The following ARL14EP variants were observed in gnomAD, a reference collection of about 807,000 sequenced individuals.
ARL14EP encodes the protein ARL14 effector protein.
Under a neutral mutation model 23.1 loss-of-function variants are expected in ARL14EP, and 12 were observed. That is an observed-to-expected ratio of 0.52 (90% CI 0.33 to 0.84). The LOEUF (loss-of-function observed/expected upper bound fraction) is 0.84, where lower values mean the gene tolerates loss of function less well. Ranked by LOEUF, ARL14EP falls within the 40% of genes least tolerant of loss-of-function variation. The probability of loss-of-function intolerance (pLI) is 0.02; values close to 1 mark genes in which losing one functional copy is unlikely to be tolerated. For synonymous variants in ARL14EP, 97 were observed against 102.0 expected, an observed-to-expected ratio of 0.95 and a Z score of 0.29; for missense variants, 253 against 307.3, an observed-to-expected ratio of 0.82 and a Z score of 1.32.
intron 1 of ARL14EP, among the ~76,000 whole-genome samples, chr11:30,324,543 G>A (rs1448329016): frequency 6.6e-6 from 1 of 151,994 alleles, no homozygotes; most frequent in Admixed American, 6.5e-5. Context: ...TTGCTGTTTT[G>A]TTAGTGGTGG....
At chr11:30,335,677 AT>A (rs754780336) in intron 3 of ARL14EP, among the ~76,000 whole-genome samples, 1 of 152,004 alleles carries the variant, frequency 6.6e-6, no homozygotes, top group African/African-American at 2.4e-5. Context: ...AGGTACATAC[AT>A]TTTTTTCTTA....
intron 2 of ARL14EP, chr11:30,331,603 A>G (rs1947284353): frequency 1.5e-6 from 2 of 1,377,946 alleles, no homozygotes; most frequent in African/African-American, 2.9e-5. Flanking sequence ...TATGCCTAAG[A>G]CTCCAAGCTA....
At position 30,335,778 on chromosome 11, in the gene ARL14EP, G is replaced by A. The variant is rs75241460; in HGVS notation, c.555-789G>A. 4.7e-3 allele frequency among the ~76,000 whole-genome samples: 189 copies of A among 40,100 alleles called. 1 individual carries two copies. The South Asian group carries it at 0.059, about 13-fold the overall frequency. 26.3% of individuals were successfully genotyped at this position (40,100 alleles called of 152,430 possible). The stretch of plus-strand genomic sequence containing the variant: ...AGCAAAAAAATATATATATATATAT[G>A]TGTGTGTGTGTGTGTGTGTGTGACT... On this transcript the variant is annotated intron_variant, in intron 3 of 3. Coordinates refer to ENST00000282032, the MANE Select transcript of ARL14EP (RefSeq NM_152316.3).
chr11:30,326,408 C>T (rs1221824652), intron 1 of ARL14EP, among the ~76,000 whole-genome samples: 2 of 152,106 alleles, frequency 1.3e-5, no homozygotes, highest in Non-Finnish European at 2.9e-5. Flanking sequence ...GATAAATCAT[C>T]GTTATGGAAG....
At chr11:30,334,182 A>G (rs1378166410) in intron 3 of ARL14EP, among the ~76,000 whole-genome samples, 2 of 145,944 alleles carry the variant, frequency 1.4e-5, no homozygotes, top group East Asian at 2.3e-4. Flanking sequence ...ACACTACCCA[A>G]CAGATTTTCA....
chr11:30,333,156 T>G (rs1305716957), intron 3 of ARL14EP, among the ~76,000 whole-genome samples, 163 bp downstream of exon 3: 1 of 152,222 alleles, frequency 6.6e-6, no homozygotes, highest in African/African-American at 2.4e-5. Context: ...CATATAAAAT[T>G]AAGGTATCCC....
At chr11:30,335,660 T>A (rs1947324915) in intron 3 of ARL14EP, among the ~76,000 whole-genome samples, 1 of 152,200 alleles carries the variant, frequency 6.6e-6, no homozygotes, top group African/African-American at 2.4e-5. Context: ...AGAGCATTTT[T>A]AAATTAAGGT....
In ARL14EP at chr11:30,331,108, A is replaced by C. The variant is rs1449797715; in HGVS notation, c.160A>C (p.Asn54His). ...LRTGMTLSGN[N>H]TICFHHVKIY... ...AACTGGAATGACACTTTCTGGGAAC[A>C]ATACAATTTGCTTTCATCATGTAAA... is the stretch of plus-strand genomic sequence containing the variant. Residue 54 changes from asparagine (N) to histidine (H), a missense_variant, in exon 2 of 4, where the codon AAT (asparagine) becomes CAT (histidine). Asn to His is a moderately conservative substitution (Grantham distance 68). Transcript: ENST00000282032. 6.2e-7 allele frequency: 1 copy of C among 1,613,868 alleles called. No individual in the cohort carries two copies. The highest frequency in any genetic ancestry group is 1.3e-5 in the African/African-American group (1 of 74,930).
Position 30,336,691 on chromosome 11 carries a change from G to T in ARL14EP, c.679G>T (p.Gly227Cys), listed in dbSNP as rs1182292441. 6.2e-7 allele frequency: 1 copy of T among 1,614,124 alleles called. No individual in the cohort carries two copies. The highest frequency in any genetic ancestry group is 1.7e-5 in the Admixed American group (1 of 60,004). The change falls in exon 4 of 4, where the codon GGT (glycine) becomes TGT (cysteine). Residue 227 changes from glycine to cysteine, a missense_variant. Coordinates refer to ENST00000282032, the MANE Select transcript of ARL14EP (RefSeq NM_152316.3). ...ATGTTTCTATGCTTGTCCTGCCTGT[G>T]GTTCTACCAAGTGTGGAGCTGAATG... ...LGCFYACPAC[G>C]STKCGAECRC... is the part of the protein sequence containing the mutation.
intron 1 of ARL14EP, among the ~76,000 whole-genome samples, chr11:30,325,627 C>G (rs975084501): frequency 6.6e-6 from 1 of 151,840 alleles, no homozygotes; most frequent in African/African-American, 2.4e-5. Flanking sequence ...GATTTTTTTT[C>G]TTCCATGAAG....
intron 1 of ARL14EP, chr11:30,328,011 C>T (rs1248021953): frequency 6.6e-6 from 1 of 151,950 alleles, no homozygotes; most frequent in African/African-American, 2.4e-5. Context: ...AGGTCAAAGC[C>T]AGATTGTGTC....
At chr11:30,329,102 A>G (rs962178826) in intron 1 of ARL14EP, 5 of 152,168 alleles carry the variant, frequency 3.3e-5, no homozygotes, top group Non-Finnish European at 7.4e-5. Flanking sequence ...CCTCAGAAGT[A>G]TCCACAAATG....
chr11:30,330,192 T>C (rs1947271028), intron 1 of ARL14EP: 2 of 152,230 alleles, frequency 1.3e-5, no homozygotes, highest in Admixed American at 1.3e-4. Flanking sequence ...TGTTTGTTTA[T>C]ACTATACCAA....
rs1340555164 is a variant in ARL14EP at position 30,331,128 on chromosome 11, T to C, written c.180T>C (p.His60=). 1 of 1,613,976 alleles carries C rather than the reference T, an allele frequency of 6.2e-7. No homozygotes were observed. The highest frequency in any genetic ancestry group is 1.1e-5 in the South Asian group (1 of 91,084). ...LSGNNTICFH[H]VKIYIDRFED... Reference sequence around the variant, plus strand: ...GGAACAATACAATTTGCTTTCATCATGTAAAAATTTACATTGACAGATTTG... The same window carrying C: ...GGAACAATACAATTTGCTTTCATCACGTAAAAATTTACATTGACAGATTTG... Residue 60 remains histidine (H), a synonymous_variant, in exon 2 of 4, where the codon CAT becomes CAC. Transcript: ENST00000282032.
At chr11:30,327,744 G>T (rs1350116501) in intron 1 of ARL14EP, among the ~76,000 whole-genome samples, 2 of 148,888 alleles carry the variant, frequency 1.3e-5, no homozygotes, top group Non-Finnish European at 3.0e-5. Flanking sequence ...GGATCACGAG[G>T]TCAGGAGATC....
chr11:30,331,010 A>T lies in ARL14EP; in HGVS notation c.62A>T (p.Tyr21Phe), dbSNP rs139402064. The T allele has an allele frequency of 1.6e-4, 261 of 1,613,892 alleles. No individual in the cohort carries two copies. The highest frequency in any genetic ancestry group is 2.1e-4 in the Non-Finnish European group (252 of 1,179,798). The change falls in exon 2 of 4, where the codon TAC (tyrosine) becomes TTC (phenylalanine). Residue 21 changes from tyrosine (Y) to phenylalanine (F), a missense_variant. By Grantham distance (22) the Tyr-to-Phe change is conservative. Transcript: ENST00000282032. The part of the protein sequence containing the change: ...LRTTNECHKT[Y>F]YTRHTGFKTL... ...ACTACAAATGAGTGCCATAAAACCTACTATACTCGTCACACAGGTTTTAAG... is the reference window on the plus strand; with the variant it reads ...ACTACAAATGAGTGCCATAAAACCTTCTATACTCGTCACACAGGTTTTAAG...
intron 1 of ARL14EP, 34 bp downstream of exon 1, chr11:30,323,236 G>A (rs1947208623): frequency 6.5e-6 from 1 of 153,316 alleles, no homozygotes; most frequent in African/African-American, 2.4e-5. Flanking sequence ...CTGGAGAGGA[G>A]TGGGAGAGTG....
intron 1 of ARL14EP, among the ~76,000 whole-genome samples, chr11:30,326,668 A>G (rs1320346807): frequency 2.6e-5 from 4 of 152,176 alleles, no homozygotes; most frequent in Non-Finnish European, 5.9e-5. Context: ...TAGAATGCAA[A>G]CAGTGACCAC....
chr11:30,325,724 A>G (rs377449368), intron 1 of ARL14EP, among the ~76,000 whole-genome samples: 1 of 152,192 alleles, frequency 6.6e-6, no homozygotes. Context: ...AACTGGTAAG[A>G]TGCTATAACC....
Sources: allele counts gnomAD v4.1 joint callset (sites outside exome capture counted in the v4.1 genomes callset), GRCh38; gene constraint gnomAD v4.1.1; transcripts MANE v1.5; gene names NCBI Gene and HGNC (gene_info 2026-07-23, HGNC 2026-07-21).